TACC2: variants seen among roughly 807,000 people sequenced by gnomAD.
The protein encoded by TACC2 is transforming acidic coiled-coil containing protein 2.
TACC2 carries 137 observed loss-of-function variants against 227.3 expected under a neutral mutation model. The ratio of observed to expected loss-of-function variants is 0.60; its 90% CI spans 0.52 to 0.69. The LOEUF is 0.69. Ranked by LOEUF, TACC2 falls within the 30% of genes least tolerant of loss-of-function variation. TACC2 has a pLI of 0.00. For missense variants in TACC2, 3,470 were observed against 3,694.4 expected, an observed-to-expected ratio of 0.94 and a Z score of 1.57; for synonymous variants, 1,523 against 1,487.5, an observed-to-expected ratio of 1.02 and a Z score of -0.55.
At chr10:122,225,295 G>T (rs2095604596) in intron 12 of TACC2, among the ~76,000 whole-genome samples, 1 of 152,210 alleles carries the variant, frequency 6.6e-6, no homozygotes, top group Non-Finnish European at 1.5e-5. Context: ...CCTCGGAGAC[G>T]TGTGGCACAC....
At chr10:122,015,168 T>G (rs1364512831) in intron 1 of TACC2, among the ~76,000 whole-genome samples, 2 of 149,640 alleles carry the variant, frequency 1.3e-5, no homozygotes, top group Non-Finnish European at 3.0e-5. Flanking sequence ...AAAGAGGACA[T>G]AAGTACCTAA....
chr10:122,196,933 C>CA (rs58473562), intron 8 of TACC2, among the ~76,000 whole-genome samples: 39,228 of 77,998 alleles, frequency 0.5, 9,665 homozygotes, highest in East Asian at 0.63. Context: ...GAGTCCGTCT[C>CA]AAAAAAAAAA....
intron 6 of TACC2, among the ~76,000 whole-genome samples, chr10:122,139,023 G>A (rs1339765452): frequency 6.6e-6 from 1 of 152,190 alleles, no homozygotes; most frequent in Admixed American, 6.5e-5. Context: ...CCCTGGGCCC[G>A]CAGAGCTGCT....
Position 122,095,670 on chromosome 10 carries a change from C to T in TACC2, c.5573+7079C>T, listed in dbSNP as rs185806757. 4.3e-3 allele frequency among the ~76,000 whole-genome samples: 648 copies of T among 152,316 alleles called. 2 individuals carry two copies. Among genetic ancestry groups the T allele is most frequent in the African/African-American group, 0.015 (616 of 41,570 alleles). On this transcript the variant is annotated intron_variant, in intron 5 of 22. Transcript: ENST00000369005. ...CAAGGCTTTTCAGACATCAGATCTA[C>T]GTTCAGAACGCTGATCATTCTCTTA...
At position 122,141,800 on chromosome 10, in the gene TACC2, G is replaced by A. The variant is rs1220547847; in HGVS notation, c.5700-1772G>A. Among the ~76,000 whole-genome samples, 2 of 152,116 alleles carry A rather than the reference G, an allele frequency of 1.3e-5. No individual in the cohort carries two copies. The highest frequency in any genetic ancestry group is 4.8e-5 in the African/African-American group (2 of 41,440). ...CTTTCCACAATTTGCATTAAACTAA[G>A]TAAAATCTTGGTGGGATGTGTGTGG... On this transcript the variant is annotated intron_variant, in intron 6 of 22. Coordinates refer to ENST00000369005, the MANE Select transcript of TACC2 (RefSeq NM_206862.4). The surrounding 1 kb of genome is among the most constrained non-coding windows in gnomAD (Gnocchi z 4.3).
rs1352400701 is a variant in TACC2, at chr10:122,050,533, C to T, written c.129C>T (p.Asp43=). ...RKQQDTPGSP[D]HRDASSIGSV... ...AGCAGGACACGCCCGGAAGCCCTGA[C>T]CACAGAGACGCGTCCAGGTAGGAGG... The change falls in exon 3 of 23, where the codon GAC becomes GAT. Residue 43 remains aspartate, a synonymous_variant. Transcript: ENST00000369005. The surrounding 1 kb of genome is among the most constrained non-coding windows in gnomAD (Gnocchi z 4.6). The T allele has an allele frequency of 6.2e-7, 1 of 1,613,972 alleles. No individual in the cohort carries two copies. Among genetic ancestry groups the T allele is most frequent in the East Asian group, 2.2e-5 (1 of 44,864 alleles).
chr10:122,112,630 G>A lies in TACC2; in HGVS notation c.5574-19979G>A, dbSNP rs1266155126. On this transcript the variant is annotated intron_variant, in intron 5 of 22. Coordinates refer to ENST00000369005, the MANE Select transcript of TACC2 (RefSeq NM_206862.4). The stretch of plus-strand genomic sequence containing the variant: ...CGGGCAACGGCCCCGCAGAGGAAGC[G>A]CGGGCCGCCTGGCCGGTACTTGACC... Among the ~76,000 whole-genome samples, 7 of 14,760 alleles carry A rather than the reference G, an allele frequency of 4.7e-4. No individual in the cohort carries two copies. The East Asian group carries it at 0.17, about 351-fold the overall frequency. 9.7% of individuals were successfully genotyped at this position (14,760 alleles called of 152,430 possible).
In TACC2 at chr10:122,024,680, C is replaced by CT. The variant is rs762324881; in HGVS notation, c.33+2673dup. ...ACAGTAAGTGATCTTTAAGGATTGG[C>CT]TTTTTTTCTCTCTCAGCATAAATCT... On this transcript the variant is annotated intron_variant, in intron 2 of 22. Coordinates refer to ENST00000369005, the MANE Select transcript of TACC2 (RefSeq NM_206862.4). Among the ~76,000 whole-genome samples the CT allele has an allele frequency of 5.3e-5, 8 of 152,250 alleles. No homozygotes were observed. The East Asian group carries it at 5.8e-4, about 11-fold the overall frequency.
chr10:122,107,875 TA>T (rs1473426593), intron 5 of TACC2, among the ~76,000 whole-genome samples: 1,789 of 88,156 alleles, frequency 0.02, 22 homozygotes, highest in African/African-American at 0.025. Context: ...TATATATATA[TA>T]TATATTTTTT....
chr10:122,193,868 C>A (rs560861383), intron 7 of TACC2, among the ~76,000 whole-genome samples: 1 of 152,092 alleles, frequency 6.6e-6, no homozygotes, highest in South Asian at 2.1e-4. Flanking sequence ...AATTGAGTCA[C>A]CGGTGGAAGC....
chr10:122,210,166 A>G lies in TACC2; in HGVS notation c.5972-231A>G. The G allele has an allele frequency of 1.7e-6, 1 of 590,758 alleles. No individual in the cohort carries two copies. The highest frequency in any genetic ancestry group is 3.0e-5 in the Admixed American group (1 of 32,816). The allele number at this position is 590,758 out of a possible 1,614,324, so 36.6% of individuals were successfully genotyped here. A position where few individuals can be genotyped will look rare whatever the true frequency, so the allele number is the denominator to read the frequency against. The stretch of plus-strand genomic sequence containing the variant: ...CTGAGCTGTTCTTTAATCGGTCCTC[A>G]TGATCCTCATTGTACAGATGAGGGA... On this transcript the variant is annotated intron_variant, in intron 8 of 22. Transcript: ENST00000369005. This position sits in a 1 kb window ranked among gnomAD's most constrained non-coding sequence, Gnocchi z 4.6.
chr10:122,072,915 C>T (rs566538501), intron 3 of TACC2, among the ~76,000 whole-genome samples: 1 of 151,718 alleles, frequency 6.6e-6, no homozygotes, highest in South Asian at 2.1e-4. Context: ...AGATGGAGAC[C>T]ATCCTAGCCA....
At chr10:122,017,907 C>T (rs1193394961) in intron 1 of TACC2, among the ~76,000 whole-genome samples, 37 of 143,996 alleles carry the variant, frequency 2.6e-4, no homozygotes, top group African/African-American at 8.9e-4. Flanking sequence ...GGCAAACAGT[C>T]TTGTCTCTCA....
chr10:122,229,262 G>GC, intron 14 of TACC2, 84 bp from the exon 15 acceptor site: 1 of 1,529,170 alleles, frequency 6.5e-7, no homozygotes, highest in East Asian at 2.3e-5. Flanking sequence ...CCAGCAAATG[G>GC]CTGCATGGCC....
At chr10:122,149,268 T>C (rs1016073683) in intron 7 of TACC2, among the ~76,000 whole-genome samples, 9 of 152,150 alleles carry the variant, frequency 5.9e-5, no homozygotes, top group African/African-American at 1.9e-4. Context: ...CGGACAGCTG[T>C]CCCCTAGGAA....
chr10:122,057,091 C>G (rs1294197996), intron 3 of TACC2, among the ~76,000 whole-genome samples: 3 of 152,156 alleles, frequency 2.0e-5, no homozygotes, highest in Non-Finnish European at 4.4e-5. Context: ...ACCAGAGAGG[C>G]TAAGGCAGGA....
At chr10:122,011,187 GCAGGGTCAGGTAGACAGTGACA>G (rs150251519) in intron 1 of TACC2, among the ~76,000 whole-genome samples, 22,824 of 152,196 alleles carry the variant, frequency 0.15, 2,087 homozygotes, top group Admixed American at 0.24. Context: ...AGACAGGGAT[GCAGGGTCAGGTAGACAGTGACA>G]CAGGGCCAGG....
chr10:121,996,175 C>G (rs1297139153), intron 1 of TACC2, among the ~76,000 whole-genome samples: 1 of 152,086 alleles, frequency 6.6e-6, no homozygotes, highest in South Asian at 2.1e-4. Flanking sequence ...CACCTCAGCC[C>G]CCCGAGTAGC....
At chr10:122,213,452 C>A in intron 9 of TACC2, 2 of 1,495,328 alleles carry the variant, frequency 1.3e-6, no homozygotes, top group Non-Finnish European at 1.9e-6. Context: ...TGCTTCCAAG[C>A]CATTTTTATT....
Sources: gnomAD v4.1 joint callset for allele counts (sites outside exome capture counted in the v4.1 genomes callset) on GRCh38, gnomAD v4.1.1 for gene constraint, Gnocchi (gnomAD v3.1) non-coding constraint, MANE v1.5 for transcripts, NCBI Gene and HGNC (gene_info 2026-07-23, HGNC 2026-07-21) for gene names.